LGALS9: variants seen among roughly 807,000 people sequenced by gnomAD.
The protein encoded by LGALS9 is galectin 9.
LGALS9 carries 26 observed loss-of-function variants against 35.9 expected under a neutral mutation model. That is an observed-to-expected ratio of 0.72 (90% confidence interval 0.53 to 1.01). LGALS9 has a LOEUF of 1.01. Ranked by LOEUF, LGALS9 falls within the 50% of genes least tolerant of loss-of-function variation. LGALS9 has a pLI of 0.00. For synonymous variants in LGALS9, 149 were observed against 172.2 expected (o/e 0.87, Z 1.06); for missense variants, 347 against 445.8 (o/e 0.78, Z 1.99).
rs1463388926 is a variant in LGALS9, at chr17:27,638,124, C to T, written c.40-139C>T. The T allele has an allele frequency of 1.3e-4, 89 of 660,872 alleles. 4 individuals carry two copies. The highest frequency in any genetic ancestry group is 2.7e-5 in the East Asian group (1 of 36,454). The allele number at this position is 660,872 out of a possible 1,614,324, so 40.9% of individuals were successfully genotyped here. ...GACCCTAAGACCCGTGGGGCTGCGACTCCCTCTGTACTGGTCACAGCCGCA... is the reference window on the plus strand; with the variant it reads ...GACCCTAAGACCCGTGGGGCTGCGATTCCCTCTGTACTGGTCACAGCCGCA... On this transcript the variant is annotated intron_variant, in intron 1 of 10. Transcript: ENST00000395473.
At chr17:27,638,737 A>G (rs891952304) in intron 2 of LGALS9, 2 of 304,148 alleles carry the variant, frequency 6.6e-6, no homozygotes, top group African/African-American at 4.4e-5. Context: ...GCTGATGTGA[A>G]AATATTGAAA....
intron 7 of LGALS9, 74 bp from the exon 8 acceptor site, chr17:27,646,473 G>T (rs377017074): frequency 8.1e-6 from 13 of 1,606,344 alleles, no homozygotes; most frequent in African/African-American, 8.0e-5. Context: ...TCTCTAGAAC[G>T]CGTGGGTGCG....
At chr17:27,643,684 G>A (rs1904701497) in intron 5 of LGALS9, 64 bp downstream of exon 5, 4 of 1,518,808 alleles carry the variant, frequency 2.6e-6, no homozygotes, top group Middle Eastern at 2.5e-4. Context: ...GGGTCTGAGA[G>A]GCTGGCCCCA....
At chr17:27,635,062 A>G (rs2074431460) in intron 1 of LGALS9, among the ~76,000 whole-genome samples, 1 of 152,162 alleles carries the variant, frequency 6.6e-6, no homozygotes, top group African/African-American at 2.4e-5. Flanking sequence ...CTGTCAGAGG[A>G]CTTTTAAGCT....
intron 2 of LGALS9, among the ~76,000 whole-genome samples, chr17:27,639,948 G>A (rs933330349): frequency 1.3e-5 from 2 of 152,124 alleles, no homozygotes; most frequent in African/African-American, 4.8e-5. Flanking sequence ...ATGTTGGCCA[G>A]GATGGTCTCG....
intron 1 of LGALS9, among the ~76,000 whole-genome samples, chr17:27,635,518 A>G (rs1186692719): frequency 2.6e-5 from 4 of 152,122 alleles, no homozygotes; most frequent in African/African-American, 9.7e-5. Flanking sequence ...TGGGGGCACT[A>G]TTTAAGATAT....
rs753024131 is a variant in LGALS9, at chr17:27,647,397, C to T, written c.886C>T (p.Arg296Ter). The change falls in exon 10 of 11, where the codon CGA (arginine) becomes TGA (stop). Residue 296 changes from arginine to a stop codon, truncating the protein, a stop_gained. Transcript: ENST00000395473. LOFTEE classifies it low-confidence loss of function (END_TRUNC). ...GGGGTCTGAGGAGCGAAGTCTGCCC[C>T]GAAAAATGCCCTTCGTCCGTGGCCA... Reference protein sequence around the residue: ...SWGSEERSLPRKMPFVRGQSF... With the variant: ...SWGSEERSLP 10 of 1,614,014 alleles carry T rather than the reference C, an allele frequency of 6.2e-6. No homozygotes were observed. Among genetic ancestry groups the T allele is most frequent in the South Asian group, 4.4e-5 (4 of 91,088 alleles).
intron 8 of LGALS9, 35 bp from the exon 9 acceptor site, chr17:27,646,995 G>A (rs372740585): frequency 8.9e-5 from 143 of 1,613,366 alleles, no homozygotes; most frequent in Middle Eastern, 1.6e-4. Context: ...TTCCCCTTCC[G>A]CGTGGTGGCT....
intron 8 of LGALS9, 79 bp downstream of exon 8, chr17:27,646,667 C>T (rs1904973849): frequency 6.2e-7 from 1 of 1,600,752 alleles, no homozygotes; most frequent in Non-Finnish European, 8.5e-7. Flanking sequence ...TGGGGGGATC[C>T]ACTGGCCTTG....
chr17:27,640,310 T>A (rs954964039), intron 2 of LGALS9: 21 of 541,074 alleles, frequency 3.9e-5, no homozygotes, highest in Admixed American at 1.6e-4. Flanking sequence ...ATGTTTCTTG[T>A]TTGCTAATAC....
At chr17:27,637,768 G>A (rs2074469711) in intron 1 of LGALS9, among the ~76,000 whole-genome samples, 1 of 152,180 alleles carries the variant, frequency 6.6e-6, no homozygotes, top group African/African-American at 2.4e-5. Flanking sequence ...GTGAGTCGAA[G>A]GTTTACCCTC....
intron 5 of LGALS9, chr17:27,644,769 T>C (rs62055780): frequency 0.23 from 35,640 of 155,652 alleles, 4,271 homozygotes; most frequent in Admixed American, 0.3. Context: ...TGGCCCTGGC[T>C]CTGGGGAGGA....
chr17:27,639,091 C>T (rs2074487669), intron 2 of LGALS9, among the ~76,000 whole-genome samples: 1 of 152,198 alleles, frequency 6.6e-6, no homozygotes. Context: ...TCTCGGAAGC[C>T]TCTCTGCCTC....
intron 8 of LGALS9, 75 bp downstream of exon 8, chr17:27,646,663 G>GA (rs1904973443): frequency 3.1e-6 from 5 of 1,603,848 alleles, no homozygotes; most frequent in Non-Finnish European, 4.3e-6. Flanking sequence ...GCTGTGGGGG[G>GA]ATCCACTGGC....
At chr17:27,640,144 A>G (rs2151292832) in intron 2 of LGALS9, among the ~76,000 whole-genome samples, 1 of 152,168 alleles carries the variant, frequency 6.6e-6, no homozygotes, top group African/African-American at 2.4e-5. Context: ...CCCAGCCCCA[A>G]TTTCACATGC....
Position 27,647,938 on chromosome 17 carries a change from C to A in LGALS9, c.921+506C>A, listed in dbSNP as rs139905858. On this transcript the variant is annotated intron_variant, in intron 10 of 10. Transcript: ENST00000395473. ...AGCAAAACAGAGCGATGAGATAGAG[C>A]GAGCCTGGGAGGGGCAGCTAGGGCC... Among the ~76,000 whole-genome samples, 814 of 152,338 alleles carry A rather than the reference C, an allele frequency of 5.3e-3. 2 individuals carry two copies. The highest frequency in any genetic ancestry group is 8.6e-3 in the Non-Finnish European group (587 of 68,028).
chr17:27,634,843 CAGTGTTATA>C (rs1204723473), intron 1 of LGALS9, among the ~76,000 whole-genome samples: 1 of 152,176 alleles, frequency 6.6e-6, no homozygotes, highest in African/African-American at 2.4e-5. Context: ...CACTGGTAAC[CAGTGTTATA>C]AGTTTCTTAT....
At chr17:27,636,381 G>A (rs575122761) in intron 1 of LGALS9, among the ~76,000 whole-genome samples, 8 of 152,068 alleles carry the variant, frequency 5.3e-5, no homozygotes, top group South Asian at 4.1e-4. Context: ...ACCCTCCCTC[G>A]CTTGCTTCCT....
intron 1 of LGALS9, among the ~76,000 whole-genome samples, chr17:27,636,832 AG>A (rs2074457383): frequency 6.6e-6 from 1 of 152,094 alleles, no homozygotes; most frequent in Non-Finnish European, 1.5e-5. Context: ...AAAGTTTTAT[AG>A]AAAAAAAAAA....
Sources: allele counts gnomAD v4.1 joint callset (sites outside exome capture counted in the v4.1 genomes callset), GRCh38; gene constraint gnomAD v4.1.1; transcripts MANE v1.5; gene names NCBI Gene and HGNC (gene_info 2026-07-23, HGNC 2026-07-21).